Variants in MATN1 observed in about 807,000 individuals in gnomAD.
The protein encoded by MATN1 is matrilin 1, also known as matrilin-1.
A neutral mutation model predicts 41.3 loss-of-function variants in MATN1; 34 were observed. The observed-to-expected ratio is 0.82, with a 90% CI of 0.63 to 1.10. MATN1 has a LOEUF of 1.10. Ranked by LOEUF, MATN1 falls within the 50% of genes least tolerant of loss-of-function variation. The pLI is 0.00. For synonymous variants in MATN1, 264 were observed against 278.7 expected (o/e 0.95, Z 0.53); for missense variants, 602 against 662.4 (o/e 0.91, Z 1.00).
intron 2 of MATN1, chr1:30,720,772 A>G (rs1639685831): frequency 6.5e-6 from 1 of 152,706 alleles, no homozygotes; most frequent in Non-Finnish European, 1.5e-5. Flanking sequence ...CAGTGAGGAT[A>G]CAAGTCCTGG....
At chr1:30,721,348 T>G in intron 2 of MATN1, 57 bp downstream of exon 2, 1 of 1,499,412 alleles carries the variant, frequency 6.7e-7, no homozygotes, top group Non-Finnish European at 9.1e-7. Context: ...GCAAAGCTCA[T>G]AACTCCGAGC....
chr1:30,716,883 C>CA lies in MATN1; in HGVS notation c.696dup (p.Asp233Ter). On this transcript the variant is annotated frameshift_variant, in exon 4 of 8. Coordinates refer to ENST00000373765, the MANE Select transcript of MATN1 (RefSeq NM_002379.3). LOFTEE classifies it high-confidence loss of function. ...GAGCTGATGCACACCTGCTCACAGTCATGGTCCCCTGTGGCGCACAGGTCT... is the reference window on the plus strand; with the variant it reads ...GAGCTGATGCACACCTGCTCACAGTCAATGGTCCCCTGTGGCGCACAGGTCT... 1 of 1,613,774 alleles carries CA rather than the reference C, an allele frequency of 6.2e-7. No individual in the cohort carries two copies. The highest frequency in any genetic ancestry group is 8.5e-7 in the Non-Finnish European group (1 of 1,179,866).
At position 30,713,422 on chromosome 1, in the gene MATN1, C is replaced by T. The variant is rs1639578639; in HGVS notation, c.*160G>A. On this transcript the variant is annotated 3_prime_UTR_variant, in exon 8 of 8. Coordinates refer to ENST00000373765, the MANE Select transcript of MATN1 (RefSeq NM_002379.3). ...ACACATGCACACATACACACACGCA[C>T]ACATACACACACGAGCTCCCAAACG... The T allele has an allele frequency of 2.9e-6, 2 of 678,098 alleles. No individual in the cohort carries two copies. Among genetic ancestry groups the T allele is most frequent in the Non-Finnish European group, 5.4e-6 (2 of 370,994 alleles). 42.0% of individuals were successfully genotyped at this position (678,098 alleles called of 1,614,324 possible). A position where few individuals can be genotyped will look rare whatever the true frequency, so the allele number is the denominator to read the frequency against.
chr1:30,715,061 C>A (rs1475031034), intron 6 of MATN1, 96 bp downstream of exon 6: 2 of 1,480,190 alleles, frequency 1.4e-6, no homozygotes, highest in African/African-American at 2.8e-5. Flanking sequence ...CACCTCGGCC[C>A]CTGCTTTTCC....
rs77413864 is a variant in MATN1, at chr1:30,716,767, G to A, written c.790+23C>T. On this transcript the variant is annotated intron_variant, in intron 4 of 7. Transcript: ENST00000373765. ...CTCCCCTCCACACCCTCTCCAGGGCGAGCCTGTGTCCACCCCACTGACCAT... is the reference window on the plus strand; with the variant it reads ...CTCCCCTCCACACCCTCTCCAGGGCAAGCCTGTGTCCACCCCACTGACCAT... 3.3e-3 allele frequency: 5,349 copies of A among 1,612,026 alleles called. 150 individuals are homozygous for A. In the African/African-American group the frequency reaches 0.059, roughly 18 times the overall value.
intron 5 of MATN1, 70 bp from the exon 6 acceptor site, chr1:30,715,379 G>A (rs1355150059): frequency 4.5e-6 from 7 of 1,546,536 alleles, no homozygotes; most frequent in African/African-American, 1.4e-5. Context: ...GCCTCCTGGG[G>A]AAGGCTTAGG....
intron 7 of MATN1, 147 bp from the exon 8 acceptor site, chr1:30,713,778 GC>G: frequency 2.9e-6 from 2 of 697,316 alleles, no homozygotes; most frequent in Middle Eastern, 7.7e-4. Flanking sequence ...TCAGAATGGT[GC>G]TTTCCAAAAA....
chr1:30,713,757 A>G (rs1639582899), intron 7 of MATN1, 126 bp from the exon 8 acceptor site: 7 of 758,172 alleles, frequency 9.2e-6, no homozygotes, highest in Non-Finnish European at 1.6e-5. Flanking sequence ...GAACTTATCC[A>G]TCCACTGTCC....
In MATN1 at chr1:30,713,647, A is replaced by G. The variant is rs1639581862; in HGVS notation, c.1442-16T>C. Reference sequence around the variant, plus strand: ...ACAGCTTCCAGTGGACTCAGAGTTAAGGAGAGGTGCAGGTTGGCCAGAGCA... The same window carrying G: ...ACAGCTTCCAGTGGACTCAGAGTTAGGGAGAGGTGCAGGTTGGCCAGAGCA... On this transcript the variant is annotated splice_polypyrimidine_tract_variant and intron_variant, in intron 7 of 7. Transcript: ENST00000373765. 1 of 1,552,472 alleles carries G rather than the reference A, an allele frequency of 6.4e-7. No homozygotes were observed.
Position 30,721,394 on chromosome 1 carries a change from C to T in MATN1, c.441+11G>A, listed in dbSNP as rs549472765. 1.1e-5 allele frequency: 17 copies of T among 1,595,566 alleles called. No individual in the cohort carries two copies. The South Asian group carries it at 1.1e-4, about 10-fold the overall frequency. On this transcript the variant is annotated intron_variant, in intron 2 of 7. Transcript: ENST00000373765. ...AAACAGCAGCATCCTAGCAGGGTGG[C>T]GTGCACGTACCTTGCTGATGTCAGG...
At chr1:30,723,120 T>A (rs949736193) in intron 1 of MATN1, among the ~76,000 whole-genome samples, 4 of 152,140 alleles carry the variant, frequency 2.6e-5, no homozygotes, top group African/African-American at 9.7e-5. Flanking sequence ...GCATCCCAGG[T>A]CTGCTGTCAT....
chr1:30,721,782 G>C (rs748009177), intron 1 of MATN1, 31 bp from the exon 2 acceptor site: 1 of 1,563,724 alleles, frequency 6.4e-7, no homozygotes, highest in South Asian at 1.1e-5. Flanking sequence ...GTAAGGCAGA[G>C]AGCAGAGACA....
At chr1:30,715,834 A>G (rs1470895776) in intron 5 of MATN1, 75 bp downstream of exon 5, 3 of 1,464,206 alleles carry the variant, frequency 2.0e-6, no homozygotes. Context: ...ACACCAAGAT[A>G]AACTACAGTT....
chr1:30,717,642 GT>G (rs751915676), intron 3 of MATN1, among the ~76,000 whole-genome samples: 19 of 109,956 alleles, frequency 1.7e-4, no homozygotes, highest in South Asian at 7.4e-4. Context: ...TGTGTGTGCG[GT>G]TTTTTTTTTT....
intron 3 of MATN1, among the ~76,000 whole-genome samples, chr1:30,718,231 T>G (rs1392240254): frequency 6.7e-6 from 1 of 148,364 alleles, no homozygotes; most frequent in Non-Finnish European, 1.5e-5. Context: ...TGACTTTTTC[T>G]GTCTTCACTT....
In MATN1 at chr1:30,721,739, C is replaced by T. The variant is rs377079004; in HGVS notation, c.107G>A (p.Arg36Gln). The change falls in exon 2 of 8, where the codon CGG (arginine) becomes CAG (glutamine). Residue 36 changes from arginine to glutamine, a missense_variant. By Grantham distance (43) the Arg-to-Gln change is conservative (BLOSUM62 1). Coordinates refer to ENST00000373765, the MANE Select transcript of MATN1 (RefSeq NM_002379.3). ...LAPQSRGHLC[R>Q]TRPTDLVFVV... ...AAACACCAGGTCTGTGGGCCGCGTC[C>T]GGCAGAGATGGCCTGGGAGTGGGGC... is the stretch of plus-strand genomic sequence containing the variant. The T allele has an allele frequency of 1.5e-4, 240 of 1,608,820 alleles. 1 individual carries two copies. The highest frequency in any genetic ancestry group is 1.9e-4 in the Non-Finnish European group (219 of 1,178,714).
chr1:30,722,183 T>A (rs1639705804), intron 1 of MATN1, among the ~76,000 whole-genome samples: 1 of 152,202 alleles, frequency 6.6e-6, no homozygotes, highest in Non-Finnish European at 1.5e-5. Context: ...GGGCAGCTAT[T>A]TCTTCTAGCT....
intron 2 of MATN1, chr1:30,720,733 T>A (rs1160036580): frequency 6.6e-6 from 1 of 152,430 alleles, no homozygotes; most frequent in Non-Finnish European, 1.5e-5. Context: ...TGGCTTAGCC[T>A]CAGGTTCTGT....
At chr1:30,713,875 T>G (rs1389619208) in intron 7 of MATN1, 1 of 591,778 alleles carries the variant, frequency 1.7e-6, no homozygotes, top group African/African-American at 1.9e-5. Flanking sequence ...TAGTCCTGGC[T>G]GAGCCAGGGG....
Sources: gnomAD v4.1 joint callset for allele counts (sites outside exome capture counted in the v4.1 genomes callset) on GRCh38, gnomAD v4.1.1 for gene constraint, MANE v1.5 for transcripts, NCBI Gene and HGNC (gene_info 2026-07-23, HGNC 2026-07-21) for gene names.